Variants in ARMH1 observed in about 807,000 individuals in gnomAD.
ARMH1 encodes the protein armadillo-like helical domain containing protein 1.
ARMH1 carries 34 observed loss-of-function variants against 50.2 expected under a neutral mutation model. The observed-to-expected ratio is 0.68, with a 90% confidence interval of 0.51 to 0.90. The LOEUF is 0.90. Among genes scored for constraint, ARMH1 ranks in the 40% least tolerant of loss-of-function variants. ARMH1 has a pLI of 0.00. For synonymous variants in ARMH1, 221 were observed against 224.2 expected (o/e 0.99, Z 0.13); for missense variants, 538 against 553.9 (o/e 0.97, Z 0.29).
intron 6 of ARMH1, among the ~76,000 whole-genome samples, chr1:44,716,851 C>CTT (rs758060030): frequency 1.3e-4 from 18 of 138,304 alleles, no homozygotes; most frequent in South Asian, 4.7e-4. Flanking sequence ...ATTCTTTTTT[C>CTT]TTTTTTTTTT....
In ARMH1 at chr1:44,683,050, G is replaced by A. The variant is rs772836388; in HGVS notation, c.-22-6626G>A. Among the ~76,000 whole-genome samples, 1 of 152,238 alleles carries A rather than the reference G, an allele frequency of 6.6e-6. No individual in the cohort carries two copies. Among genetic ancestry groups the A allele is most frequent in the Non-Finnish European group, 1.5e-5 (1 of 68,036 alleles). ...TAATCCATATGCGGAACAAGGGTGT[G>A]AAACTGAAATAGCGGCAGTGGAGGT... On this transcript the variant is annotated intron_variant, in intron 1 of 11. Transcript: ENST00000535358. The surrounding 1 kb of genome is among the most constrained non-coding windows in gnomAD (Gnocchi z 4.2).
At chr1:44,704,016 G>T in intron 5 of ARMH1, 73 bp from the exon 6 acceptor site, 2 of 1,292,130 alleles carry the variant, frequency 1.5e-6, no homozygotes, top group Admixed American at 2.1e-5. Context: ...GTGAGCCACC[G>T]CACCCGGCCG....
chr1:44,691,866 G>A (rs1645670634), intron 2 of ARMH1, among the ~76,000 whole-genome samples: 1 of 152,198 alleles, frequency 6.6e-6, no homozygotes, highest in Admixed American at 6.5e-5. Flanking sequence ...GTAAGCTTGA[G>A]GGTAGATAAG....
intron 4 of ARMH1, among the ~76,000 whole-genome samples, chr1:44,698,637 C>T (rs1573360704): frequency 1.3e-5 from 2 of 150,732 alleles, no homozygotes; most frequent in Admixed American, 6.6e-5. Context: ...ATGGAGAAAC[C>T]CCGTCTCTAC....
intron 1 of ARMH1, among the ~76,000 whole-genome samples, chr1:44,679,581 C>T (rs919306439): frequency 6.6e-6 from 1 of 152,350 alleles, no homozygotes; most frequent in Non-Finnish European, 1.5e-5. Context: ...TACAATTTAA[C>T]TGACCGTTCA....
intron 6 of ARMH1, among the ~76,000 whole-genome samples, chr1:44,720,139 G>A (rs1647032857): frequency 6.7e-6 from 1 of 148,630 alleles, no homozygotes; most frequent in Non-Finnish European, 1.5e-5. Context: ...AGAGGTTGCA[G>A]TGAGCCAAGA....
At chr1:44,723,338 C>T (rs544955964) in intron 6 of ARMH1, among the ~76,000 whole-genome samples, 9 of 152,314 alleles carry the variant, frequency 5.9e-5, no homozygotes, top group Admixed American at 2.6e-4. Flanking sequence ...CCCAATGCCG[C>T]GCCTGGCACC....
At chr1:44,698,274 T>A in intron 4 of ARMH1, 45 bp downstream of exon 4, 1 of 1,491,006 alleles carries the variant, frequency 6.7e-7, no homozygotes, top group Non-Finnish European at 9.0e-7. Flanking sequence ...GGGGCCTGAA[T>A]GACATGGTGG....
intron 6 of ARMH1, chr1:44,721,751 C>G (rs10127901): frequency 1.3e-5 from 2 of 152,090 alleles, no homozygotes; most frequent in East Asian, 1.9e-4. Flanking sequence ...ATGAAACACC[C>G]CACCCACACG....
intron 6 of ARMH1, among the ~76,000 whole-genome samples, chr1:44,707,438 T>C (rs911129180): frequency 6.6e-6 from 1 of 152,194 alleles, no homozygotes; most frequent in Non-Finnish European, 1.5e-5. Flanking sequence ...AAAAATCTTA[T>C]TTCTTTTTTG....
At position 44,690,801 on chromosome 1, in the gene ARMH1, C is replaced by G. The variant is rs556476637; in HGVS notation, c.206+898C>G. 1.2e-4 allele frequency among the ~76,000 whole-genome samples: 19 copies of G among 152,196 alleles called. No individual in the cohort carries two copies. The South Asian group carries it at 3.7e-3, about 30-fold the overall frequency. ...TCAAGTGATTCTCCTGCCTCAGCCT[C>G]CTGAGTAGCTGAGACTACAGCCATG... is the stretch of plus-strand genomic sequence containing the variant. On this transcript the variant is annotated intron_variant, in intron 2 of 11. Transcript: ENST00000535358.
At position 44,725,535 on chromosome 1, in the gene ARMH1, G is replaced by A. The variant is rs1432563730; in HGVS notation, c.*132G>A. Reference sequence around the variant, plus strand: ...GGAGACGGGGATTAGGCATCCCAGAGGGGCAGAGGAAGAGCCGCTGGCTGC... The same window carrying A: ...GGAGACGGGGATTAGGCATCCCAGAAGGGCAGAGGAAGAGCCGCTGGCTGC... On this transcript the variant is annotated 3_prime_UTR_variant, in exon 12 of 12. Coordinates refer to ENST00000535358, the MANE Select transcript of ARMH1 (RefSeq NM_001145636.2). 2 of 857,170 alleles carry A rather than the reference G, an allele frequency of 2.3e-6. No homozygotes were observed. The highest frequency in any genetic ancestry group is 2.6e-5 in the East Asian group (1 of 37,822). The allele number at this position is 857,170 out of a possible 1,614,324, so 53.1% of individuals were successfully genotyped here.
At chr1:44,718,886 A>G (rs1557562462) in intron 6 of ARMH1, among the ~76,000 whole-genome samples, 2 of 152,088 alleles carry the variant, frequency 1.3e-5, no homozygotes, top group Non-Finnish European at 2.9e-5. Flanking sequence ...TTAGCTGGCC[A>G]GTGTGGTGCA....
At chr1:44,721,652 A>G (rs923994328) in intron 6 of ARMH1, 2 of 152,114 alleles carry the variant, frequency 1.3e-5, no homozygotes, top group South Asian at 2.1e-4. Context: ...TTGCTTGAGC[A>G]TGGGAGATGG....
chr1:44,722,225 G>A (rs968435704), intron 6 of ARMH1, among the ~76,000 whole-genome samples: 1 of 152,030 alleles, frequency 6.6e-6, no homozygotes, highest in Admixed American at 6.6e-5. Context: ...AGAGCACATG[G>A]CCAAGTCCTG....
At chr1:44,721,667 T>C (rs1020850818) in intron 6 of ARMH1, 4 of 151,962 alleles carry the variant, frequency 2.6e-5, no homozygotes, top group South Asian at 2.1e-4. Context: ...AGATGGAGGT[T>C]GTAGTGAGCC....
At chr1:44,721,095 C>T (rs1057322645) in intron 6 of ARMH1, among the ~76,000 whole-genome samples, 2 of 151,930 alleles carry the variant, frequency 1.3e-5, no homozygotes, top group Non-Finnish European at 2.9e-5. Flanking sequence ...ATTCTGCTCT[C>T]GGTGGGAAGT....
At chr1:44,717,133 G>A (rs372418380) in intron 6 of ARMH1, among the ~76,000 whole-genome samples, 286 of 152,266 alleles carry the variant, frequency 1.9e-3, no homozygotes, top group Middle Eastern at 0.01. Flanking sequence ...ACAGGTGTGA[G>A]CCACCGCGCC....
Position 44,724,184 on chromosome 1 carries a change from G to C in ARMH1, c.787G>C (p.Val263Leu), listed in dbSNP as rs547562733. ...DVRQALLKGL[V>L]ALLIPSVKEI... ...GCGCCAGGCGCTGCTCAAGGGCCTC[G>C]TGGCGCTGCTGATACCGTCGGTCAA... is the stretch of plus-strand genomic sequence containing the variant. Residue 263 changes from valine (V) to leucine (L), a missense_variant, in exon 7 of 12, where the codon GTG (valine) becomes CTG (leucine). Transcript: ENST00000535358. This position sits in a 1 kb window ranked among gnomAD's most constrained non-coding sequence, Gnocchi z 6.4. 1.9e-6 allele frequency: 3 copies of C among 1,551,684 alleles called. No individual in the cohort carries two copies. The highest frequency in any genetic ancestry group is 2.6e-6 in the Non-Finnish European group (3 of 1,146,968).
Sources: gnomAD v4.1 joint callset for allele counts (sites outside exome capture counted in the v4.1 genomes callset) on GRCh38, gnomAD v4.1.1 for gene constraint, Gnocchi (gnomAD v3.1) non-coding constraint, MANE v1.5 for transcripts, NCBI Gene and HGNC (gene_info 2026-07-23, HGNC 2026-07-21) for gene names.